CERS6: variants seen among roughly 807,000 people sequenced by gnomAD.
The protein encoded by CERS6 is LAG1 homolog, ceramide synthase 6.
Under a neutral mutation model 56.8 loss-of-function variants are expected in CERS6, and 26 were observed. The observed-to-expected ratio is 0.46, with a 90% CI of 0.34 to 0.63. The LOEUF (loss-of-function observed/expected upper bound fraction) is 0.63, where lower values mean the gene tolerates loss of function less well. Among genes scored for constraint, CERS6 ranks in the 30% least tolerant of loss-of-function variants. The pLI, the probability that CERS6 is intolerant of heterozygous loss-of-function variation, is 0.01. For missense variants in CERS6, 415 were observed against 467.5 expected (o/e 0.89, Z 1.04); for synonymous variants, 164 against 173.3 (o/e 0.95, Z 0.42).
At chr2:168,736,883 C>T (rs1683731678) in intron 8 of CERS6, among the ~76,000 whole-genome samples, 1 of 152,222 alleles carries the variant, frequency 6.6e-6, no homozygotes, top group South Asian at 2.1e-4. Context: ...TACTCTCATG[C>T]TACCTCGCCC....
chr2:168,627,658 G>A (rs1192101816), intron 3 of CERS6, among the ~76,000 whole-genome samples: 1 of 151,262 alleles, frequency 6.6e-6, no homozygotes. Context: ...TGTAAACCTA[G>A]GATTCAACAT....
chr2:168,679,348 A>G (rs559055130), intron 4 of CERS6, among the ~76,000 whole-genome samples: 8 of 152,356 alleles, frequency 5.3e-5, no homozygotes, highest in Non-Finnish European at 1.0e-4. Context: ...AAACAATTAC[A>G]TGCATGAGGT....
At chr2:168,522,768 C>T (rs559747751) in intron 1 of CERS6, among the ~76,000 whole-genome samples, 7 of 152,196 alleles carry the variant, frequency 4.6e-5, no homozygotes, top group East Asian at 3.9e-4. Flanking sequence ...AGGCTGGGCT[C>T]GGATTCCTGG....
At chr2:168,721,863 T>C (rs1233447798) in intron 8 of CERS6, among the ~76,000 whole-genome samples, 1 of 152,086 alleles carries the variant, frequency 6.6e-6, no homozygotes, top group African/African-American at 2.4e-5. Flanking sequence ...CAAGCAATCC[T>C]CCAGCCTAGG....
chr2:168,721,620 TAAA>T (rs537701230), intron 8 of CERS6, among the ~76,000 whole-genome samples: 2 of 129,656 alleles, frequency 1.5e-5, no homozygotes, highest in South Asian at 2.6e-4. Flanking sequence ...TGGTAGTGTT[TAAA>T]AAAAAAAAAA....
chr2:168,769,402 T>G, intron 9 of CERS6, 108 bp from the exon 10 acceptor site: 1 of 1,012,432 alleles, frequency 9.9e-7, no homozygotes, highest in Non-Finnish European at 1.4e-6. Context: ...TTCAGTTTTT[T>G]AACATTGGGA....
chr2:168,498,859 A>G (rs1694524765), intron 1 of CERS6, among the ~76,000 whole-genome samples: 1 of 152,076 alleles, frequency 6.6e-6, no homozygotes. Flanking sequence ...GTAGGGAGGG[A>G]AGAAAGCCTA....
intron 3 of CERS6, among the ~76,000 whole-genome samples, chr2:168,586,871 T>C (rs192906958): frequency 4.2e-4 from 64 of 152,332 alleles, no homozygotes; most frequent in Admixed American, 9.8e-4. Flanking sequence ...CTAGGGGTCC[T>C]TAATAAATGT....
intron 1 of CERS6, among the ~76,000 whole-genome samples, chr2:168,511,133 A>G (rs1373642800): frequency 2.0e-5 from 3 of 152,256 alleles, no homozygotes; most frequent in East Asian, 1.9e-4. Context: ...GATTTTCTGC[A>G]TATGCTACAC....
chr2:168,575,055 G>A (rs1683225812), intron 3 of CERS6, among the ~76,000 whole-genome samples: 2 of 152,114 alleles, frequency 1.3e-5, no homozygotes, highest in Non-Finnish European at 2.9e-5. Context: ...GGTAGAACTG[G>A]GAGGTTTCTA....
intron 4 of CERS6, among the ~76,000 whole-genome samples, chr2:168,671,950 A>G (rs1275004949): frequency 1.3e-5 from 2 of 152,212 alleles, no homozygotes; most frequent in African/African-American, 4.8e-5. Context: ...TAGCATTGTC[A>G]TTTAACTCAA....
chr2:168,588,066 A>G (rs1028460441), intron 3 of CERS6, among the ~76,000 whole-genome samples: 1 of 142,174 alleles, frequency 7.0e-6, no homozygotes, highest in Non-Finnish European at 1.5e-5. Context: ...GATGTATGCC[A>G]CCATACCTGG....
intron 4 of CERS6, among the ~76,000 whole-genome samples, chr2:168,665,388 A>G (rs952456176): frequency 6.6e-6 from 1 of 152,178 alleles, no homozygotes; most frequent in African/African-American, 2.4e-5. Flanking sequence ...TTGCTTAGCA[A>G]TAATTGTAAT....
chr2:168,591,342 A>G (rs1011887090), intron 3 of CERS6, among the ~76,000 whole-genome samples: 2 of 152,226 alleles, frequency 1.3e-5, no homozygotes, highest in Non-Finnish European at 1.5e-5. Context: ...ATGAAGTTTC[A>G]TGTTGTCCCT....
chr2:168,574,601 A>G (rs1336977917), intron 3 of CERS6, among the ~76,000 whole-genome samples: 4 of 152,206 alleles, frequency 2.6e-5, no homozygotes, highest in African/African-American at 7.2e-5. Flanking sequence ...GTTGTTATTT[A>G]ATATAGTGAT....
intron 4 of CERS6, among the ~76,000 whole-genome samples, chr2:168,662,809 C>T (rs1281411580): frequency 3.9e-5 from 6 of 152,166 alleles, no homozygotes; most frequent in South Asian, 2.1e-4. Flanking sequence ...CTTCCCACAG[C>T]GTACAATATG....
intron 3 of CERS6, among the ~76,000 whole-genome samples, chr2:168,608,556 CT>C (rs1416265583): frequency 2.0e-5 from 3 of 152,180 alleles, no homozygotes; most frequent in Non-Finnish European, 4.4e-5. Flanking sequence ...GCTATTATCT[CT>C]TCAATTATAG....
intron 1 of CERS6, among the ~76,000 whole-genome samples, chr2:168,502,579 C>G (rs997163199): frequency 5.3e-5 from 8 of 152,126 alleles, no homozygotes; most frequent in Non-Finnish European, 8.8e-5. Context: ...GAAAGGCATC[C>G]AAGAGGGCCA....
At chr2:168,481,009 C>A (rs576809985) in intron 1 of CERS6, among the ~76,000 whole-genome samples, 15 of 152,276 alleles carry the variant, frequency 9.9e-5, no homozygotes, top group African/African-American at 3.6e-4. Flanking sequence ...GTAGAGAAAG[C>A]ATGCAGGAAA....
Sources: allele counts gnomAD v4.1 joint callset (sites outside exome capture counted in the v4.1 genomes callset), GRCh38; gene constraint gnomAD v4.1.1; transcripts MANE v1.5; gene names NCBI Gene and HGNC (gene_info 2026-07-23, HGNC 2026-07-21).